The following SERPINI1 variants were observed in gnomAD, a reference collection of about 807,000 sequenced individuals.
SERPINI1 encodes neuroserpin.
Under a neutral mutation model 41.1 loss-of-function variants are expected in SERPINI1, and 19 were observed. That is an observed-to-expected ratio of 0.46 (90% CI 0.32 to 0.68). The LOEUF is 0.68. SERPINI1 is among the 30% of genes least tolerant of loss of function. SERPINI1 has a pLI of 0.03. For missense variants in SERPINI1, 460 were observed against 479.2 expected (o/e 0.96, Z 0.37); for synonymous variants, 138 against 156.6 (o/e 0.88, Z 0.89).
intron 1 of SERPINI1, among the ~76,000 whole-genome samples, chr3:167,782,585 G>A (rs1727172393): frequency 6.6e-6 from 1 of 152,170 alleles, no homozygotes; most frequent in Admixed American, 6.5e-5. Context: ...ATACAAAGAT[G>A]AATATCCTTC....
intron 1 of SERPINI1, among the ~76,000 whole-genome samples, chr3:167,758,947 C>T (rs1327727522): frequency 1.3e-5 from 2 of 152,070 alleles, no homozygotes; most frequent in Non-Finnish European, 2.9e-5. Flanking sequence ...GGTTATAACA[C>T]TCTCTTATAT....
intron 2 of SERPINI1, among the ~76,000 whole-genome samples, chr3:167,789,584 C>G (rs143026987): frequency 2.0e-5 from 3 of 152,240 alleles, no homozygotes; most frequent in Non-Finnish European, 4.4e-5. Context: ...GAAATTACAT[C>G]TTTTAAAAAT....
chr3:167,780,315 A>G (rs896414372), intron 1 of SERPINI1, among the ~76,000 whole-genome samples: 1 of 152,100 alleles, frequency 6.6e-6, no homozygotes, highest in Non-Finnish European at 1.5e-5. Flanking sequence ...AATCCACCCT[A>G]TACTCCTACT....
chr3:167,785,257 C>G (rs1362729834), intron 1 of SERPINI1, among the ~76,000 whole-genome samples: 1 of 152,098 alleles, frequency 6.6e-6, no homozygotes, highest in Non-Finnish European at 1.5e-5. Flanking sequence ...AAAAAGAGTG[C>G]TTTGCACACT....
chr3:167,792,284 T>C (rs1351353016), intron 3 of SERPINI1, among the ~76,000 whole-genome samples: 1 of 152,106 alleles, frequency 6.6e-6, no homozygotes, highest in East Asian at 1.9e-4. Context: ...AAGCTACTAG[T>C]ATTATTTCAG....
At chr3:167,783,873 C>G (rs115478761) in intron 1 of SERPINI1, among the ~76,000 whole-genome samples, 1,646 of 152,252 alleles carry the variant, frequency 0.011, 25 homozygotes, top group African/African-American at 0.036. Context: ...CGTGTGTTTC[C>G]AGAGCAGAGT....
intron 5 of SERPINI1, among the ~76,000 whole-genome samples, chr3:167,799,496 TAA>T (rs1399191246): frequency 6.6e-6 from 1 of 152,250 alleles, no homozygotes; most frequent in Non-Finnish European, 1.5e-5. Flanking sequence ...AGTGCTGCAA[TAA>T]ACATACGTGT....
chr3:167,805,098 AAAAT>A (rs1236490083), intron 5 of SERPINI1, among the ~76,000 whole-genome samples: 1 of 152,194 alleles, frequency 6.6e-6, no homozygotes, highest in East Asian at 1.9e-4. Context: ...AATTAAAACA[AAAAT>A]AAAGACCCAT....
At chr3:167,765,449 C>T (rs1044620852) in intron 1 of SERPINI1, among the ~76,000 whole-genome samples, 17 of 152,212 alleles carry the variant, frequency 1.1e-4, no homozygotes, top group African/African-American at 3.1e-4. Context: ...GTGGCTAGGA[C>T]GCAGTGCACC....
intron 1 of SERPINI1, among the ~76,000 whole-genome samples, chr3:167,769,304 T>C (rs1169585722): frequency 6.6e-6 from 1 of 152,212 alleles, no homozygotes; most frequent in African/African-American, 2.4e-5. Flanking sequence ...AATTTTGTTC[T>C]TTTAATTGCC....
At chr3:167,804,406 A>C (rs1210260634) in intron 5 of SERPINI1, among the ~76,000 whole-genome samples, 1 of 152,236 alleles carries the variant, frequency 6.6e-6, no homozygotes. Context: ...TTAAGAGAAC[A>C]ACCTATTGCC....
At position 167,735,776 on chromosome 3, in the gene SERPINI1, C is replaced by A. The variant is rs1725378096; in HGVS notation, c.-66C>A. The A allele has an allele frequency of 1.3e-5, 2 of 152,332 alleles. No homozygotes were observed. Among genetic ancestry groups the A allele is most frequent in the African/African-American group, 4.8e-5 (2 of 41,458 alleles). The allele number at this position is 152,332 out of a possible 1,614,324, so 9.4% of individuals were successfully genotyped here. A position where few individuals can be genotyped will look rare whatever the true frequency, so the allele number is the denominator to read the frequency against. ...CGAGAGCGGAGCGGAGCACAGTCCG[C>A]CGAGCACAAGCTCCAGCATCCCGTC... On this transcript the variant is annotated 5_prime_UTR_variant, in exon 1 of 9. Coordinates refer to ENST00000446050, the MANE Select transcript of SERPINI1 (RefSeq NM_001122752.2).
At chr3:167,808,655 A>C (rs911792774) in intron 6 of SERPINI1, among the ~76,000 whole-genome samples, 2 of 152,204 alleles carry the variant, frequency 1.3e-5, no homozygotes, top group African/African-American at 4.8e-5. Flanking sequence ...AGCCTGAAGC[A>C]GCAGCCTATA....
intron 1 of SERPINI1, among the ~76,000 whole-genome samples, chr3:167,761,034 C>A (rs942132985): frequency 6.6e-6 from 1 of 152,150 alleles, no homozygotes; most frequent in East Asian, 1.9e-4. Context: ...TATATAAGAA[C>A]CTTTAACCTA....
chr3:167,738,832 C>T (rs1001566440), intron 1 of SERPINI1, among the ~76,000 whole-genome samples: 1 of 150,710 alleles, frequency 6.6e-6, no homozygotes, highest in Non-Finnish European at 1.5e-5. Context: ...TAACTGGAAT[C>T]AAACTGGTAT....
chr3:167,766,088 T>A (rs1216608354), intron 1 of SERPINI1, among the ~76,000 whole-genome samples: 1 of 152,164 alleles, frequency 6.6e-6, no homozygotes, highest in African/African-American at 2.4e-5. Context: ...AACCTCTGCC[T>A]GTTACCCAGT....
chr3:167,778,915 G>C (rs1363182745), intron 1 of SERPINI1, among the ~76,000 whole-genome samples: 1 of 152,210 alleles, frequency 6.6e-6, no homozygotes, highest in African/African-American at 2.4e-5. Flanking sequence ...AGATAGTTTG[G>C]GGGGTTAGAA....
At chr3:167,793,832 A>G (rs11927188) in intron 4 of SERPINI1, among the ~76,000 whole-genome samples, 16,259 of 121,932 alleles carry the variant, frequency 0.13, 1,127 homozygotes, top group African/African-American at 0.26. Context: ...CATTTTGGCC[A>G]TATGTATGTG....
chr3:167,817,754 C>T (rs917490168), intron 6 of SERPINI1, among the ~76,000 whole-genome samples: 61 of 137,688 alleles, frequency 4.4e-4, no homozygotes, highest in Admixed American at 1.9e-3. Flanking sequence ...CCCACCACCA[C>T]GCCTGGCTAA....
Sources: allele counts gnomAD v4.1 joint callset (sites outside exome capture counted in the v4.1 genomes callset), GRCh38; gene constraint gnomAD v4.1.1; transcripts MANE v1.5; gene names NCBI Gene and HGNC (gene_info 2026-07-23, HGNC 2026-07-21).